Variants in SMOC2 observed in about 807,000 individuals in gnomAD.
SMOC2 encodes the protein SPARC-related modular calcium-binding protein 2.
A neutral mutation model predicts 61.4 loss-of-function variants in SMOC2; 39 were observed. That is an observed-to-expected ratio of 0.64 (90% CI 0.49 to 0.83). The LOEUF is 0.83. Among genes scored for constraint, SMOC2 ranks in the 40% least tolerant of loss-of-function variants. The probability of loss-of-function intolerance (pLI) is 0.00; values close to 1 mark genes in which losing one functional copy is unlikely to be tolerated. For synonymous variants in SMOC2, 247 were observed against 239.9 expected (o/e 1.03, Z -0.27); for missense variants, 556 against 592.9 (o/e 0.94, Z 0.65).
At chr6:168,568,902 G>C (rs1784605648) in intron 7 of SMOC2, among the ~76,000 whole-genome samples, 2 of 152,160 alleles carry the variant, frequency 1.3e-5, no homozygotes, top group Admixed American at 1.3e-4. Flanking sequence ...TCTTCTTAGT[G>C]CTGAATTGTA....
chr6:168,574,229 G>C (rs982289603), intron 7 of SMOC2, among the ~76,000 whole-genome samples: 1 of 152,236 alleles, frequency 6.6e-6, no homozygotes, highest in African/African-American at 2.4e-5. Flanking sequence ...GCGCTGGGAG[G>C]GGGGCCAGGC....
chr6:168,630,908 C>T (rs1281834351), intron 9 of SMOC2, among the ~76,000 whole-genome samples: 1 of 152,186 alleles, frequency 6.6e-6, no homozygotes, highest in Admixed American at 6.5e-5. Flanking sequence ...AGACGGTCTG[C>T]TCTCAAAACC....
At chr6:168,650,645 A>G (rs753147550) in intron 9 of SMOC2, 36 bp from the exon 10 acceptor site, 8 of 1,583,962 alleles carry the variant, frequency 5.1e-6, no homozygotes, top group Non-Finnish European at 6.9e-6. Context: ...GTTAGGCTTT[A>G]TGAGTTAATT....
intron 4 of SMOC2, among the ~76,000 whole-genome samples, chr6:168,541,490 T>C (rs905952081): frequency 6.6e-6 from 1 of 152,068 alleles, no homozygotes; most frequent in African/African-American, 2.4e-5. Context: ...AGCATCAGAG[T>C]TGCTTTCTTG....
rs57788104 is a variant in SMOC2, at chr6:168,611,953, C to T, written c.907+3714C>T. Among the ~76,000 whole-genome samples the T allele has an allele frequency of 5.7e-3, 875 of 152,258 alleles. 24 individuals are homozygous for T. The East Asian group carries it at 0.094, about 16-fold the overall frequency. On this transcript the variant is annotated intron_variant, in intron 9 of 12. Transcript: ENST00000356284. ...TGTGGTGTGGGTGTGGACTCTGCCC[C>T]GTGCCTCACAGGGTCCCTGGGGAGG... is the stretch of plus-strand genomic sequence containing the variant.
chr6:168,505,613 C>G (rs974276432), intron 1 of SMOC2, among the ~76,000 whole-genome samples: 3 of 152,206 alleles, frequency 2.0e-5, no homozygotes, highest in African/African-American at 7.2e-5. Flanking sequence ...ATGAAATGTC[C>G]GTCTCTGGGA....
intron 1 of SMOC2, among the ~76,000 whole-genome samples, chr6:168,488,661 T>C (rs764742823): frequency 1.3e-5 from 2 of 152,200 alleles, no homozygotes; most frequent in Non-Finnish European, 2.9e-5. Context: ...CACACTGTTT[T>C]AGAGTGGAAT....
chr6:168,623,884 C>T (rs971993285), intron 9 of SMOC2, among the ~76,000 whole-genome samples: 2 of 152,120 alleles, frequency 1.3e-5, no homozygotes, highest in Non-Finnish European at 2.9e-5. Flanking sequence ...CCTGGGCTGT[C>T]GGTGCAGTGG....
In SMOC2 at chr6:168,622,499, T is replaced by C. The variant is rs536284970; in HGVS notation, c.907+14260T>C. ...TGTTCTCGCCATGGCATGTTGTGTG[T>C]TGACATTACTCTTTATTGTTTAGAG... On this transcript the variant is annotated intron_variant, in intron 9 of 12. Transcript: ENST00000356284. Among the ~76,000 whole-genome samples, 14 of 152,112 alleles carry C rather than the reference T, an allele frequency of 9.2e-5. No homozygotes were observed. The East Asian group carries it at 9.7e-4, about 11-fold the overall frequency.
At chr6:168,607,939 C>T (rs1049632929) in intron 8 of SMOC2, among the ~76,000 whole-genome samples, 1 of 152,090 alleles carries the variant, frequency 6.6e-6, no homozygotes, top group Non-Finnish European at 1.5e-5. Flanking sequence ...ATTGAAGTCA[C>T]AGTGTGCTTC....
At chr6:168,447,545 C>G (rs1781357043) in intron 1 of SMOC2, among the ~76,000 whole-genome samples, 1 of 152,186 alleles carries the variant, frequency 6.6e-6, no homozygotes. Flanking sequence ...TGCATCATCT[C>G]TCACTGTTCC....
At chr6:168,644,114 G>A (rs1263638440) in intron 9 of SMOC2, among the ~76,000 whole-genome samples, 8 of 152,192 alleles carry the variant, frequency 5.3e-5, no homozygotes, top group Admixed American at 3.3e-4. Context: ...TTGAGATTGC[G>A]GTGCTTTTTA....
chr6:168,663,404 A>G (rs1319069731), intron 11 of SMOC2, among the ~76,000 whole-genome samples: 1 of 152,192 alleles, frequency 6.6e-6, no homozygotes, highest in East Asian at 1.9e-4. Context: ...GAAGCAAAAG[A>G]CTTCAAAGAG....
At chr6:168,458,210 C>T (rs547296248) in intron 1 of SMOC2, among the ~76,000 whole-genome samples, 29 of 152,324 alleles carry the variant, frequency 1.9e-4, no homozygotes, top group African/African-American at 7.0e-4. Flanking sequence ...AACTGGGATC[C>T]AGCAGCCTCT....
intron 8 of SMOC2, among the ~76,000 whole-genome samples, chr6:168,605,100 C>T (rs1785653659): frequency 6.6e-6 from 1 of 152,180 alleles, no homozygotes; most frequent in African/African-American, 2.4e-5. Flanking sequence ...AAGGGGCCAT[C>T]AGACTGAGCT....
At chr6:168,446,254 T>C (rs922874418) in intron 1 of SMOC2, among the ~76,000 whole-genome samples, 73 of 152,154 alleles carry the variant, frequency 4.8e-4, no homozygotes, top group African/African-American at 1.7e-3. Flanking sequence ...TCCCAGCTAC[T>C]TGGGAGGCTG....
At position 168,544,629 on chromosome 6, in the gene SMOC2, C is replaced by T. The variant is rs1313353333; in HGVS notation, c.511+957C>T. Among the ~76,000 whole-genome samples the T allele has an allele frequency of 3.3e-5, 5 of 152,226 alleles. No homozygotes were observed. Among genetic ancestry groups the T allele is most frequent in the Non-Finnish European group, 7.4e-5 (5 of 68,022 alleles). ...TGGAGGTTGCAGTGAGCCGAGATCA[C>T]GCCACTGCACTCCAGCCTGGGCAAC... On this transcript the variant is annotated intron_variant, in intron 5 of 12. Transcript: ENST00000356284. This position sits in a 1 kb window ranked among gnomAD's most constrained non-coding sequence, Gnocchi z 4.1.
chr6:168,588,952 T>C (rs189211516), intron 7 of SMOC2, among the ~76,000 whole-genome samples: 1 of 144,502 alleles, frequency 6.9e-6, no homozygotes, highest in East Asian at 2.0e-4. Flanking sequence ...TGGTGGTGTG[T>C]CCCTGTAGTC....
chr6:168,592,551 C>T (rs1162453209), intron 7 of SMOC2, among the ~76,000 whole-genome samples: 1 of 109,000 alleles, frequency 9.2e-6, no homozygotes, highest in African/African-American at 3.5e-5. Flanking sequence ...GATCTCCGAG[C>T]TCCTCCTCCT....
Sources: allele counts gnomAD v4.1 joint callset (sites outside exome capture counted in the v4.1 genomes callset), GRCh38; gene constraint gnomAD v4.1.1; non-coding constraint Gnocchi (gnomAD v3.1); transcripts MANE v1.5; gene names NCBI Gene and HGNC (gene_info 2026-07-23, HGNC 2026-07-21).